Variants in ARHGAP23 observed in about 807,000 individuals in gnomAD.
The protein encoded by ARHGAP23 is Rho GTPase activating protein 23, also known as rho GTPase-activating protein 23.
ARHGAP23 carries 34 observed loss-of-function variants against 136.3 expected under a neutral mutation model. That is an observed-to-expected ratio of 0.25 (90% CI 0.19 to 0.33). The LOEUF (loss-of-function observed/expected upper bound fraction) is 0.33, where lower values mean the gene tolerates loss of function less well. Among genes scored for constraint, ARHGAP23 ranks in the 10% least tolerant of loss-of-function variants. The pLI is 1.00. For missense variants in ARHGAP23, 1,808 were observed against 2,139.0 expected (o/e 0.85, Z 3.05); for synonymous variants, 832 against 920.5 (o/e 0.90, Z 1.74).
chr17:38,494,559 G>GAAAC (rs2057015726), intron 20 of ARHGAP23, among the ~76,000 whole-genome samples: 5 of 150,902 alleles, frequency 3.3e-5, no homozygotes, highest in Admixed American at 1.3e-4. Flanking sequence ...GTGAGACCCT[G>GAAAC]ACACACACAC....
chr17:38,482,458 C>G (rs2040066909), intron 15 of ARHGAP23, 65 bp from the exon 16 acceptor site: 1 of 1,421,336 alleles, frequency 7.0e-7, no homozygotes, highest in Non-Finnish European at 9.5e-7. Context: ...TGCATTGTCC[C>G]CTTCTTGGCC....
At chr17:38,458,030 G>A in intron 1 of ARHGAP23, 72 bp from the exon 2 acceptor site, 1 of 1,511,516 alleles carries the variant, frequency 6.6e-7, no homozygotes. Flanking sequence ...CCTGTGGGCT[G>A]CAGGAGGTGG....
At chr17:38,499,052 G>A in intron 22 of ARHGAP23, 2 of 689,058 alleles carry the variant, frequency 2.9e-6, no homozygotes, top group Non-Finnish European at 5.3e-6. Flanking sequence ...CGGACTGTGA[G>A]GACCCCACGC....
At chr17:38,485,959 A>G (rs2040150864) in intron 16 of ARHGAP23, 103 bp from the exon 17 acceptor site, 1 of 1,091,608 alleles carries the variant, frequency 9.2e-7, no homozygotes, top group Admixed American at 2.1e-5. Context: ...AGTAGGTCCC[A>G]GGGAGGGCCT....
Position 38,469,124 on chromosome 17 carries a change from T to G in ARHGAP23, c.1649-20T>G. 7.1e-6 allele frequency: 11 copies of G among 1,539,462 alleles called. No homozygotes were observed. Among genetic ancestry groups the G allele is most frequent in the Non-Finnish European group, 9.6e-6 (11 of 1,140,086 alleles). On this transcript the variant is annotated intron_variant, in intron 7 of 23. Transcript: ENST00000622683. Reference sequence around the variant, plus strand: ...TCCGCTGTCTGCTGCCTTCACACCTTTCTCCTTCCACATGCATAGATGAGC... The same window carrying G: ...TCCGCTGTCTGCTGCCTTCACACCTGTCTCCTTCCACATGCATAGATGAGC...
chr17:38,498,426 G>A lies in ARHGAP23; in HGVS notation c.3331G>A (p.Asp1111Asn), dbSNP rs1479124104. Residue 1111 changes from aspartate (D) to asparagine (N), a missense_variant, in exon 22 of 24, where the codon GAC becomes AAC. This residue lies in a region of ARHGAP23 where 104 missense variants were observed against 131.8 expected (regional missense o/e 0.79). Transcript: ENST00000622683. The stretch of plus-strand genomic sequence containing the variant: ...CTCCTGTTCGCAGACCCCTGTGGGC[G>A]ACAAGGAGCCTCAGGCAGTGCCCAA... ...EDKGERTPVG[D>N]KEPQAVPNIE... is the part of the protein sequence containing the mutation. 4.5e-6 allele frequency: 7 copies of A among 1,547,760 alleles called. No homozygotes were observed. Among genetic ancestry groups the A allele is most frequent in the East Asian group, 4.9e-5 (2 of 40,802 alleles).
At chr17:38,482,703 G>A (rs1164225549) in intron 16 of ARHGAP23, 25 bp downstream of exon 16, 4 of 1,538,926 alleles carry the variant, frequency 2.6e-6, no homozygotes, top group African/African-American at 1.4e-5. Flanking sequence ...GGGGTCTGTG[G>A]AAGAGGGGCT....
chr17:38,505,404 C>G (rs1394269729), intron 23 of ARHGAP23, among the ~76,000 whole-genome samples: 1 of 152,014 alleles, frequency 6.6e-6, no homozygotes, highest in Non-Finnish European at 1.5e-5. Context: ...TTACAGCCTG[C>G]AATAATCCCC....
At chr17:38,456,571 G>A (rs760055131) in intron 1 of ARHGAP23, among the ~76,000 whole-genome samples, 11 of 152,160 alleles carry the variant, frequency 7.2e-5, no homozygotes, top group Non-Finnish European at 1.2e-4. Flanking sequence ...GAGGGGCTTG[G>A]ACTAGGGGCA....
intron 23 of ARHGAP23, among the ~76,000 whole-genome samples, chr17:38,509,193 G>T (rs1330508871): frequency 1.3e-5 from 2 of 152,164 alleles, no homozygotes. Flanking sequence ...ACACCACAGG[G>T]TGTAGCAGTG....
At chr17:38,424,096 G>A (rs749511944), upstream of ARHGAP23, among the ~76,000 whole-genome samples, 1 of 152,074 alleles carries the variant, frequency 6.6e-6, no homozygotes, top group Non-Finnish European at 1.5e-5. Flanking sequence ...GGGCTGGGGC[G>A]CAGGGAGGGT....
intron 1 of ARHGAP23, among the ~76,000 whole-genome samples, chr17:38,440,716 A>C (rs2038902088): frequency 6.6e-6 from 1 of 152,224 alleles, no homozygotes; most frequent in African/African-American, 2.4e-5. Flanking sequence ...GGGGCACACA[A>C]GTGGCCGGAC....
intron 1 of ARHGAP23, among the ~76,000 whole-genome samples, chr17:38,434,606 G>C (rs1452833797): frequency 6.6e-6 from 1 of 152,210 alleles, no homozygotes; most frequent in Non-Finnish European, 1.5e-5. Flanking sequence ...AATGTGGTGG[G>C]CTGGGAGACC....
In ARHGAP23 at chr17:38,477,301, G is replaced by A. The variant is rs2039915602; in HGVS notation, c.2119-278G>A. On this transcript the variant is annotated intron_variant, in intron 11 of 23. Coordinates refer to ENST00000622683, the MANE Select transcript of ARHGAP23 (RefSeq NM_001199417.2). This position sits in a 1 kb window ranked among gnomAD's most constrained non-coding sequence, Gnocchi z 6.6. ...GGGTGTCTGAGCATTGCCACCGCTC[G>A]GTGAGTGTTGATGCTGGTGTTTAGA... is the stretch of plus-strand genomic sequence containing the variant. Among the ~76,000 whole-genome samples, 1 of 151,878 alleles carries A rather than the reference G, an allele frequency of 6.6e-6. No individual in the cohort carries two copies. Among genetic ancestry groups the A allele is most frequent in the African/African-American group, 2.4e-5 (1 of 41,322 alleles).
chr17:38,469,380 T>C, intron 8 of ARHGAP23, 81 bp downstream of exon 8: 2 of 1,479,752 alleles, frequency 1.4e-6, no homozygotes, highest in Non-Finnish European at 1.8e-6. Flanking sequence ...TGCTGCTTGA[T>C]GTCTGGCCTC....
At position 38,486,097 on chromosome 17, in the gene ARHGAP23, C is replaced by A. The variant is rs1234068387; in HGVS notation, c.2943C>A (p.Leu981=). ...ACCTCAATGTGATCAGCAGCCTGCT[C>A]AAGTCCTTCTTCCGAAAGCTGCCCG... ...WQDLNVISSL[L]KSFFRKLPEP... is the part of the protein sequence containing the mutation. Residue 981 remains leucine, a synonymous_variant, in exon 17 of 24, where the codon CTC becomes CTA. Transcript: ENST00000622683. 1 of 1,551,426 alleles carries A rather than the reference C, an allele frequency of 6.4e-7. No homozygotes were observed. The highest frequency in any genetic ancestry group is 8.7e-7 in the Non-Finnish European group (1 of 1,146,802).
intron 21 of ARHGAP23, among the ~76,000 whole-genome samples, 176 bp downstream of exon 21, chr17:38,498,002 G>A (rs2040430653): frequency 6.6e-6 from 1 of 152,194 alleles, no homozygotes; most frequent in Admixed American, 6.5e-5. Context: ...GTCTGATAGA[G>A]AAGCACAAAG....
chr17:38,434,447 A>T (rs1315506027), intron 1 of ARHGAP23, among the ~76,000 whole-genome samples: 1 of 152,182 alleles, frequency 6.6e-6, no homozygotes, highest in East Asian at 1.9e-4. Context: ...ACCCTTTCAA[A>T]GCTCGGCCTG....
At chr17:38,425,210 T>C (rs1185851193), upstream of ARHGAP23, among the ~76,000 whole-genome samples, 1 of 152,170 alleles carries the variant, frequency 6.6e-6, no homozygotes, top group Non-Finnish European at 1.5e-5. Flanking sequence ...CCCTCCATGC[T>C]TCCTGCCCAT....
Sources: allele counts gnomAD v4.1 joint callset (sites outside exome capture counted in the v4.1 genomes callset), GRCh38; gene constraint gnomAD v4.1.1; regional missense constraint gnomAD v4.1.1; non-coding constraint Gnocchi (gnomAD v3.1); transcripts MANE v1.5; gene names NCBI Gene and HGNC (gene_info 2026-07-23, HGNC 2026-07-21).